CTNNA2: variants seen among roughly 807,000 people sequenced by gnomAD.
CTNNA2 encodes catenin alpha-2.
A neutral mutation model predicts 101.0 loss-of-function variants in CTNNA2; 42 were observed. That is an observed-to-expected ratio of 0.42 (90% confidence interval 0.32 to 0.54). The LOEUF is 0.54. CTNNA2 is among the 20% of genes least tolerant of loss of function. The pLI is 0.14. For synonymous variants in CTNNA2, 450 were observed against 456.4 expected, an observed-to-expected ratio of 0.99 and a Z score of 0.18; for missense variants, 871 against 1,223.1, an observed-to-expected ratio of 0.71 and a Z score of 4.29.
In CTNNA2 at chr2:79,786,113, A is replaced by G. The variant is rs116527979; in HGVS notation, c.298+41531A>G. 3.6e-3 allele frequency among the ~76,000 whole-genome samples: 553 copies of G among 152,206 alleles called. 4 individuals carry two copies. The highest frequency in any genetic ancestry group is 0.012 in the African/African-American group (512 of 41,540). ...CCCATTTCCCATGTTGAAATATGAA[A>G]ATGTTTGAAAAACACTAACAAGTGC... On this transcript the variant is annotated intron_variant, in intron 3 of 18. Transcript: ENST00000402739.
intron 7 of CTNNA2, among the ~76,000 whole-genome samples, chr2:80,119,583 A>G (rs1440402707): frequency 2.0e-5 from 3 of 152,206 alleles, no homozygotes; most frequent in Admixed American, 6.5e-5. Flanking sequence ...TTGAAAACAT[A>G]TATGTCAGCT....
chr2:80,256,242 CAG>C (rs1278371113), intron 7 of CTNNA2, among the ~76,000 whole-genome samples: 2 of 152,024 alleles, frequency 1.3e-5, no homozygotes, highest in Admixed American at 6.6e-5. Flanking sequence ...TCCCCTGTGT[CAG>C]GGGAAATTCA....
At chr2:80,271,482 C>T (rs192015443) in intron 7 of CTNNA2, among the ~76,000 whole-genome samples, 354 of 150,334 alleles carry the variant, frequency 2.4e-3, no homozygotes, top group African/African-American at 8.3e-3. Context: ...AGTGCAGTGG[C>T]GCGATCTCGG....
At chr2:79,546,984 G>A (rs1452821287) in intron 1 of CTNNA2, among the ~76,000 whole-genome samples, 1 of 75,200 alleles carries the variant, frequency 1.3e-5, no homozygotes, top group South Asian at 4.1e-4. Context: ...TGTGGAATTT[G>A]TGAAAAGAAC....
At chr2:79,777,331 G>A (rs1674050930) in intron 3 of CTNNA2, among the ~76,000 whole-genome samples, 1 of 33,256 alleles carries the variant, frequency 3.0e-5, no homozygotes, top group Non-Finnish European at 4.4e-5. Flanking sequence ...CTTGTTATGT[G>A]TGTGTGTGTG....
chr2:80,015,414 A>G (rs1359418468), intron 7 of CTNNA2, among the ~76,000 whole-genome samples: 1 of 152,172 alleles, frequency 6.6e-6, no homozygotes, highest in Non-Finnish European at 1.5e-5. Context: ...CAATGGAACC[A>G]TCAGATCGCT....
chr2:80,628,926 C>T (rs1340149798), intron 18 of CTNNA2, among the ~76,000 whole-genome samples: 2 of 152,106 alleles, frequency 1.3e-5, no homozygotes, highest in Admixed American at 6.5e-5. Context: ...GAACTGAATG[C>T]TGACTTTCAG....
At chr2:80,277,553 GAAAAAAA>G (rs10650278) in intron 7 of CTNNA2, among the ~76,000 whole-genome samples, 1 of 83,828 alleles carries the variant, frequency 1.2e-5, no homozygotes, top group African/African-American at 4.6e-5. Flanking sequence ...AAGGATTTCT[GAAAAAAA>G]AAAAAAAAAA....
chr2:79,294,211 AGAG>A (rs1558610587), intron 2 of CTNNA2, among the ~76,000 whole-genome samples: 2 of 128,268 alleles, frequency 1.6e-5, no homozygotes, highest in African/African-American at 6.8e-5. Flanking sequence ...GAGAAGAAGA[AGAG>A]GAAGAAGAAG....
intron 2 of CTNNA2, among the ~76,000 whole-genome samples, chr2:79,280,420 C>A (rs1675332187): frequency 6.6e-6 from 1 of 152,010 alleles, no homozygotes; most frequent in African/African-American, 2.4e-5. Flanking sequence ...TGCAAGCAAG[C>A]AAACAGAAAT....
At chr2:79,678,943 T>C (rs1006824475) in intron 2 of CTNNA2, among the ~76,000 whole-genome samples, 2 of 152,214 alleles carry the variant, frequency 1.3e-5, no homozygotes, top group African/African-American at 2.4e-5. Flanking sequence ...TATAATGGAA[T>C]GTTTCTGCCA....
intron 7 of CTNNA2, among the ~76,000 whole-genome samples, chr2:80,201,314 A>G (rs1707190220): frequency 7.1e-6 from 1 of 140,292 alleles, no homozygotes; most frequent in African/African-American, 2.7e-5. Flanking sequence ...TCAGTCTTTT[A>G]TTTAAGAATA....
intron 3 of CTNNA2, among the ~76,000 whole-genome samples, chr2:79,783,409 G>GCACCTT (rs1271207873): frequency 2.0e-5 from 3 of 152,134 alleles, no homozygotes; most frequent in African/African-American, 7.2e-5. Context: ...TTCGTCAACT[G>GCACCTT]CACCTTTTCC....
intron 6 of CTNNA2, among the ~76,000 whole-genome samples, chr2:79,899,048 G>A (rs1255487028): frequency 3.3e-5 from 5 of 152,134 alleles, no homozygotes; most frequent in Non-Finnish European, 5.9e-5. Context: ...AAGCATAGGG[G>A]AGGCTTAACT....
chr2:80,431,621 T>G (rs1392103151), intron 9 of CTNNA2, among the ~76,000 whole-genome samples: 1 of 152,174 alleles, frequency 6.6e-6, no homozygotes, highest in Admixed American at 6.5e-5. Context: ...AAGCTTGGAG[T>G]ACAGCTGGTA....
intron 2 of CTNNA2, among the ~76,000 whole-genome samples, chr2:79,239,280 G>A (rs190182566): frequency 2.6e-5 from 4 of 152,154 alleles, no homozygotes; most frequent in African/African-American, 9.6e-5. Flanking sequence ...TAGACCAATG[G>A]AACAGAACAG....
chr2:80,258,980 T>A (rs1222703845), intron 7 of CTNNA2, among the ~76,000 whole-genome samples: 1 of 152,066 alleles, frequency 6.6e-6, no homozygotes, highest in African/African-American at 2.4e-5. Flanking sequence ...AAAGGAGAAG[T>A]GCTTTGGATA....
At chr2:79,620,171 C>G (rs1333187578) in intron 1 of CTNNA2, among the ~76,000 whole-genome samples, 4 of 152,250 alleles carry the variant, frequency 2.6e-5, no homozygotes, top group East Asian at 1.9e-4. Context: ...GCCCATCACC[C>G]AAGAATAATT....
intron 2 of CTNNA2, among the ~76,000 whole-genome samples, chr2:79,240,134 C>G (rs1674608178): frequency 6.6e-6 from 1 of 151,802 alleles, no homozygotes; most frequent in Admixed American, 6.6e-5. Context: ...TCTCGAACTC[C>G]CAGCCTCAAG....
Sources: gnomAD v4.1 joint callset for allele counts (sites outside exome capture counted in the v4.1 genomes callset) on GRCh38, gnomAD v4.1.1 for gene constraint, MANE v1.5 for transcripts, NCBI Gene and HGNC (gene_info 2026-07-23, HGNC 2026-07-21) for gene names.